Variants in BAG1 observed in about 807,000 individuals in gnomAD.
The protein encoded by BAG1 is BAG cochaperone 1.
A neutral mutation model predicts 35.5 loss-of-function variants in BAG1; 35 were observed. That is an observed-to-expected ratio of 0.99 (90% CI 0.75 to 1.31). BAG1 has a LOEUF of 1.31. Among genes scored for constraint, BAG1 ranks in the 50% most tolerant of loss-of-function variants. The probability of loss-of-function intolerance (pLI) is 0.00; values close to 1 mark genes in which losing one functional copy is unlikely to be tolerated. For missense variants in BAG1, 464 were observed against 453.6 expected (o/e 1.02, Z -0.21); for synonymous variants, 191 against 178.9 (o/e 1.07, Z -0.54).
Position 33,256,844 on chromosome 9 carries a change from G to A in BAG1, c.842C>T (p.Thr281Ile). The A allele has an allele frequency of 6.2e-7, 1 of 1,614,158 alleles. No homozygotes were observed. Among genetic ancestry groups the A allele is most frequent in the Non-Finnish European group, 8.5e-7 (1 of 1,180,008 alleles). ...CAAGATCTTCATAAACTGCTCTATT[G>A]TGGCTTTTACTCTCCTATCAAGTTT... Residue 281 changes from threonine to isoleucine, a missense_variant, in exon 5 of 7, where the codon ACA (threonine) becomes ATA (isoleucine). By Grantham distance (89) the Thr-to-Ile change is moderately conservative (BLOSUM62 -1). Coordinates refer to ENST00000634734, the MANE Select transcript of BAG1 (RefSeq NM_004323.6).
At chr9:33,263,139 G>C (rs554197042) in intron 1 of BAG1, among the ~76,000 whole-genome samples, 11 of 152,320 alleles carry the variant, frequency 7.2e-5, no homozygotes, top group Admixed American at 7.2e-4. Context: ...TTTCACAGAT[G>C]AGCAAACTGT....
rs1279210319 is a variant in BAG1, at chr9:33,262,100, C to A, written c.580+602G>T. 3.1e-6 allele frequency: 4 copies of A among 1,287,108 alleles called. No homozygotes were observed. The Admixed American group carries it at 6.9e-5, about 22-fold the overall frequency. The allele number at this position is 1,287,108 out of a possible 1,614,324, so 79.7% of individuals were successfully genotyped here. A position where few individuals can be genotyped will look rare whatever the true frequency, so the allele number is the denominator to read the frequency against. On this transcript the variant is annotated intron_variant, in intron 2 of 6. Transcript: ENST00000634734. ...TGGTAACATATAATGGGAAGATGAT[C>A]TAACCTAGCGAGGGAAGACTGCCCA...
In BAG1 at chr9:33,255,103, T is replaced by G; in HGVS notation, c.*116A>C. The G allele has an allele frequency of 6.2e-7, 1 of 1,608,038 alleles. No individual in the cohort carries two copies. The highest frequency in any genetic ancestry group is 1.1e-5 in the South Asian group (1 of 90,154). On this transcript the variant is annotated 3_prime_UTR_variant, in exon 7 of 7. Coordinates refer to ENST00000634734, the MANE Select transcript of BAG1 (RefSeq NM_004323.6). ...AGAACCAGTGTGAGAGTAGGAAAAT[T>G]GGCAAATGGCCAGTTGCCCCCAGCA...
intron 5 of BAG1, among the ~76,000 whole-genome samples, chr9:33,256,272 C>T (rs1820451305): frequency 1.3e-5 from 2 of 152,226 alleles, no homozygotes; most frequent in South Asian, 4.1e-4. Flanking sequence ...AAAGTGCCTG[C>T]TGCTGCTTCT....
chr9:33,262,239 T>C, intron 2 of BAG1: 3 of 1,275,568 alleles, frequency 2.4e-6, no homozygotes, highest in Non-Finnish European at 3.1e-6. Context: ...TAAATATCTG[T>C]TGAAGAACTG....
chr9:33,260,624 T>C (rs1234936649), intron 3 of BAG1: 1 of 152,956 alleles, frequency 6.5e-6, no homozygotes, highest in Non-Finnish European at 1.5e-5. Flanking sequence ...AGTTCTTTAG[T>C]CTGAACCTTC....
chr9:33,257,997 CACAA>C (rs886902250), intron 4 of BAG1: 2 of 152,148 alleles, frequency 1.3e-5, no homozygotes, highest in African/African-American at 4.8e-5. Flanking sequence ...GTAATTAAAA[CACAA>C]ACATATAGGC....
At chr9:33,257,957 TA>T (rs1307868029) in intron 4 of BAG1, 1 of 123,310 alleles carries the variant, frequency 8.1e-6, no homozygotes, top group Non-Finnish European at 1.9e-5. Context: ...TACATGTACT[TA>T]AAACTTTTGT....
At position 33,264,346 on chromosome 9, in the gene BAG1, G is replaced by T. The variant is rs747215409; in HGVS notation, c.329C>A (p.Ala110Glu). 1.9e-6 allele frequency: 3 copies of T among 1,612,136 alleles called. No homozygotes were observed. In the East Asian group the frequency reaches 6.7e-5, roughly 36 times the overall value. Residue 110 changes from alanine (A) to glutamate (E), a missense_variant, in exon 1 of 7, where the codon GCG becomes GAG. Transcript: ENST00000634734. ...CCGATTCATCTCTTCGCCCTGGGTC[G>T]CCTCCTCACTCTGGGTCGCCTCTTC...
In BAG1 at chr9:33,256,787, G is replaced by A; in HGVS notation, c.885+14C>T. The A allele has an allele frequency of 6.3e-7, 1 of 1,597,726 alleles. No homozygotes were observed. Among genetic ancestry groups the A allele is most frequent in the Non-Finnish European group, 8.6e-7 (1 of 1,165,750 alleles). On this transcript the variant is annotated intron_variant, in intron 5 of 6. Transcript: ENST00000634734. ...CAAAGAAAACTAGTTCTTCTCAGCT[G>A]AATATTTACTTACCAGTGTGTCAAT...
At position 33,254,919 on chromosome 9, in the gene BAG1, GCCCAAAGAAAGCA is replaced by G. The variant is rs1247295170; in HGVS notation, c.*287_*299del. The G allele has an allele frequency of 5.6e-6, 6 of 1,064,690 alleles. No homozygotes were observed. In the Admixed American group the frequency reaches 1.9e-4, roughly 34 times the overall value. The allele number at this position is 1,064,690 out of a possible 1,614,324, so 66.0% of individuals were successfully genotyped here. On this transcript the variant is annotated 3_prime_UTR_variant, in exon 7 of 7. Coordinates refer to ENST00000634734, the MANE Select transcript of BAG1 (RefSeq NM_004323.6). ...CCAAGGCAAATTAGAGCTCTCACCA[GCCCAAAGAAAGCA>G]CCCAGAGGTCCAAACAGCTGGGAAA...
chr9:33,259,361 C>CAAA, intron 3 of BAG1: 1 of 134,016 alleles, frequency 7.5e-6, no homozygotes, highest in Non-Finnish European at 1.6e-5. Flanking sequence ...GAGACTGTCT[C>CAAA]AAAAAAAAAA....
chr9:33,255,160 G>C lies in BAG1; in HGVS notation c.*59C>G. 6.2e-7 allele frequency: 1 copy of C among 1,614,178 alleles called. No homozygotes were observed. The highest frequency in any genetic ancestry group is 8.5e-7 in the Non-Finnish European group (1 of 1,180,010). On this transcript the variant is annotated 3_prime_UTR_variant, in exon 7 of 7. Coordinates refer to ENST00000634734, the MANE Select transcript of BAG1 (RefSeq NM_004323.6). ...AAGAAATCAGGTAAATTCCGCTCCA[G>C]AGACGGCAGAGCTGGTGGCGCCATT...
intron 5 of BAG1, 54 bp from the exon 6 acceptor site, chr9:33,255,981 A>AT: frequency 6.7e-7 from 1 of 1,501,626 alleles, no homozygotes; most frequent in Non-Finnish European, 9.3e-7. Context: ...CATGTAACAA[A>AT]TAATCCTCAG....
intron 2 of BAG1, chr9:33,261,888 A>C: frequency 1.0e-6 from 1 of 985,426 alleles, no homozygotes; most frequent in Non-Finnish European, 1.2e-6. Flanking sequence ...CGCCACATCC[A>C]GGCCTCAGGT....
Position 33,254,741 on chromosome 9 carries a change from C to A in BAG1, c.*478G>T. ...GAGGGATAAGTGGTCTACTTATGTGCCAAACACCTTGTTCTAGGCCATTCC... is the reference window on the plus strand; with the variant it reads ...GAGGGATAAGTGGTCTACTTATGTGACAAACACCTTGTTCTAGGCCATTCC... On this transcript the variant is annotated 3_prime_UTR_variant, in exon 7 of 7. Coordinates refer to ENST00000634734, the MANE Select transcript of BAG1 (RefSeq NM_004323.6). 3.6e-6 allele frequency: 1 copy of A among 278,702 alleles called. No individual in the cohort carries two copies. The highest frequency in any genetic ancestry group is 3.5e-5 in the South Asian group (1 of 28,386). 17.3% of individuals were successfully genotyped at this position (278,702 alleles called of 1,614,324 possible). A position where few individuals can be genotyped will look rare whatever the true frequency, so the allele number is the denominator to read the frequency against.
chr9:33,264,634 C>G lies in BAG1; in HGVS notation c.41G>C (p.Arg14Pro). The stretch of plus-strand genomic sequence containing the variant: ...GCGCAGCCGGGAACCCAGCCGCTCC[C>G]GGTCGCCTCGCGGTCTCCGCGCCCC... The change falls in exon 1 of 7, where the codon CGG becomes CCG. Residue 14 changes from arginine to proline, a missense_variant. By Grantham distance (103) the Arg-to-Pro change is moderately radical. Coordinates refer to ENST00000634734, the MANE Select transcript of BAG1 (RefSeq NM_004323.6). 3 of 1,348,132 alleles carry G rather than the reference C, an allele frequency of 2.2e-6. No individual in the cohort carries two copies. In the East Asian group the frequency reaches 9.2e-5, roughly 41 times the overall value. 83.5% of individuals were successfully genotyped at this position (1,348,132 alleles called of 1,614,324 possible).
intron 4 of BAG1, chr9:33,257,512 A>G (rs1458029606): frequency 2.0e-5 from 3 of 152,216 alleles, no homozygotes; most frequent in Non-Finnish European, 4.4e-5. Context: ...GATAGCAGGG[A>G]TCTCTGAGGA....
At chr9:33,259,825 T>C (rs1348849921) in intron 3 of BAG1, 1 of 152,212 alleles carries the variant, frequency 6.6e-6, no homozygotes, top group Non-Finnish European at 1.5e-5. Context: ...ATACTTTTAT[T>C]GAACACTTCC....
Sources: allele counts gnomAD v4.1 joint callset (sites outside exome capture counted in the v4.1 genomes callset), GRCh38; gene constraint gnomAD v4.1.1; transcripts MANE v1.5; gene names NCBI Gene and HGNC (gene_info 2026-07-23, HGNC 2026-07-21).